The following FOXP2 variants were observed in gnomAD, a reference collection of about 807,000 sequenced individuals.
FOXP2 encodes the protein forkhead box P2.
In FOXP2, 12 loss-of-function variants were observed where a neutral mutation model predicts 115.8. The observed-to-expected ratio is 0.10, with a 90% CI of 0.07 to 0.17. The LOEUF is 0.17. FOXP2 is among the 10% of genes least tolerant of loss of function. The pLI is 1.00. For synonymous variants in FOXP2, 328 were observed against 297.7 expected, an observed-to-expected ratio of 1.10 and a Z score of -1.05; for missense variants, 629 against 843.5, an observed-to-expected ratio of 0.75 and a Z score of 3.15.
At chr7:114,211,469 G>A (rs989375091) in intron 1 of FOXP2, among the ~76,000 whole-genome samples, 1 of 152,152 alleles carries the variant, frequency 6.6e-6, no homozygotes, top group Admixed American at 6.5e-5. Flanking sequence ...GCTCTGTTCC[G>A]CTCCTGGATG....
chr7:114,180,871 A>G (rs1034746154), intron 1 of FOXP2, among the ~76,000 whole-genome samples: 7 of 151,916 alleles, frequency 4.6e-5, no homozygotes, highest in Middle Eastern at 3.2e-3. Context: ...TCAATTCTTT[A>G]TACCCTTTAT....
intron 1 of FOXP2, among the ~76,000 whole-genome samples, chr7:114,218,952 A>G (rs892092529): frequency 7.9e-5 from 12 of 152,130 alleles, no homozygotes; most frequent in African/African-American, 2.7e-4. Flanking sequence ...ATATATATTT[A>G]CTGCCTAATG....
chr7:114,320,669 A>C (rs1248911226), intron 2 of FOXP2, among the ~76,000 whole-genome samples: 2 of 152,188 alleles, frequency 1.3e-5, no homozygotes, highest in Admixed American at 6.5e-5. Flanking sequence ...TAACTGTTCC[A>C]CAAGTCTGTC....
chr7:114,439,289 T>G (rs1313531656), intron 2 of FOXP2, among the ~76,000 whole-genome samples: 1 of 152,152 alleles, frequency 6.6e-6, no homozygotes, highest in East Asian at 1.9e-4. Flanking sequence ...TGTAGTAGTA[T>G]TTCAGTCTTA....
At chr7:114,144,701 G>C (rs1284000400) in intron 1 of FOXP2, among the ~76,000 whole-genome samples, 1 of 152,050 alleles carries the variant, frequency 6.6e-6, no homozygotes, top group African/African-American at 2.4e-5. Context: ...AGCCATGCTG[G>C]TTCAGAAGTG....
intron 3 of FOXP2, among the ~76,000 whole-genome samples, chr7:114,563,741 C>T (rs1439593593): frequency 1.3e-5 from 2 of 152,178 alleles, no homozygotes; most frequent in African/African-American, 4.8e-5. Flanking sequence ...GAAACACCTA[C>T]CTAGATGTTC....
At chr7:114,534,552 C>T (rs1799286400) in intron 2 of FOXP2, 65 bp from the exon 3 acceptor site, 17 of 1,306,202 alleles carry the variant, frequency 1.3e-5, no homozygotes, top group Non-Finnish European at 1.8e-5. Flanking sequence ...TACTATTAAC[C>T]AAGAGATAAT....
At chr7:114,090,726 T>C (rs1799525092) in intron 1 of FOXP2, among the ~76,000 whole-genome samples, 1 of 151,882 alleles carries the variant, frequency 6.6e-6, no homozygotes, top group African/African-American at 2.4e-5. Context: ...TTTTCTTAGG[T>C]TCAACTATGT....
chr7:114,571,891 T>C lies in FOXP2; in HGVS notation c.258+37185T>C, dbSNP rs80233019. On this transcript the variant is annotated intron_variant, in intron 3 of 16. Transcript: ENST00000350908. ...CTATACACAACTTTTGCTTGTTTCCTTAAGAACTGATGTATTTATTTAGGC... is the reference window on the plus strand; with the variant it reads ...CTATACACAACTTTTGCTTGTTTCCCTAAGAACTGATGTATTTATTTAGGC... Among the ~76,000 whole-genome samples, 147 of 151,898 alleles carry C rather than the reference T, an allele frequency of 9.7e-4. 1 individual carries two copies. In the East Asian group the frequency reaches 0.022, roughly 22 times the overall value.
chr7:114,269,781 T>A (rs1795989198), intron 1 of FOXP2, among the ~76,000 whole-genome samples: 1 of 152,172 alleles, frequency 6.6e-6, no homozygotes, highest in African/African-American at 2.4e-5. Flanking sequence ...ATTATGTTCC[T>A]CCACACCCCA....
At chr7:114,143,861 G>A (rs1010721643) in intron 1 of FOXP2, among the ~76,000 whole-genome samples, 2 of 151,802 alleles carry the variant, frequency 1.3e-5, no homozygotes, top group Non-Finnish European at 2.9e-5. Flanking sequence ...CTTAGAGTTG[G>A]TCCCTGACTT....
intron 2 of FOXP2, among the ~76,000 whole-genome samples, chr7:114,491,817 A>T (rs1421263511): frequency 6.6e-6 from 1 of 152,136 alleles, no homozygotes; most frequent in Non-Finnish European, 1.5e-5. Context: ...GTTTGCCAGT[A>T]TTTTATTGAG....
intron 2 of FOXP2, among the ~76,000 whole-genome samples, chr7:114,394,394 TACACAC>T (rs147854196): frequency 6.8e-6 from 1 of 146,668 alleles, no homozygotes; most frequent in Non-Finnish European, 1.5e-5. Context: ...TATGAATCTA[TACACAC>T]ACACACACAC....
rs1288046964 is a variant in FOXP2, at chr7:114,691,311, A to T, written c.*1385A>T. On this transcript the variant is annotated 3_prime_UTR_variant, in exon 17 of 17. Coordinates refer to ENST00000350908, the MANE Select transcript of FOXP2 (RefSeq NM_014491.4). The stretch of plus-strand genomic sequence containing the variant: ...GAACCAAACATAAAAGGTCTAGTAA[A>T]GCCAAAAATTAATTTCATATTGATT... 2.2e-6 allele frequency: 1 copy of T among 452,974 alleles called. No homozygotes were observed. Among genetic ancestry groups the T allele is most frequent in the Admixed American group, 2.4e-5 (1 of 42,364 alleles). The allele number at this position is 452,974 out of a possible 1,614,324, so 28.1% of individuals were successfully genotyped here. A position where few individuals can be genotyped will look rare whatever the true frequency, so the allele number is the denominator to read the frequency against.
chr7:114,447,490 C>A (rs1024710726), intron 2 of FOXP2, among the ~76,000 whole-genome samples: 4 of 152,176 alleles, frequency 2.6e-5, no homozygotes, highest in African/African-American at 9.6e-5. Context: ...CATTCTCTTG[C>A]TGCTGCAGCC....
At chr7:114,525,393 G>C (rs527589364) in intron 2 of FOXP2, among the ~76,000 whole-genome samples, 1 of 152,318 alleles carries the variant, frequency 6.6e-6, no homozygotes, top group South Asian at 2.1e-4. Flanking sequence ...AATTAGAGCA[G>C]TAGAAAAGTA....
intron 2 of FOXP2, among the ~76,000 whole-genome samples, chr7:114,346,793 G>C (rs954895906): frequency 6.6e-6 from 1 of 151,678 alleles, no homozygotes; most frequent in Non-Finnish European, 1.5e-5. Context: ...ATGGAGAGAG[G>C]GGAAGGGAGG....
chr7:114,506,477 T>C (rs1797823638), intron 2 of FOXP2, among the ~76,000 whole-genome samples: 2 of 151,814 alleles, frequency 1.3e-5, no homozygotes, highest in Middle Eastern at 3.4e-3. Context: ...AAAATGTTAA[T>C]ACAGGAAAAT....
At chr7:114,376,153 T>G (rs1378263686) in intron 2 of FOXP2, among the ~76,000 whole-genome samples, 2 of 152,158 alleles carry the variant, frequency 1.3e-5, no homozygotes, top group Non-Finnish European at 1.5e-5. Flanking sequence ...GGTAGGTACT[T>G]TCTTTTAATA....
Sources: allele counts gnomAD v4.1 joint callset (sites outside exome capture counted in the v4.1 genomes callset), GRCh38; gene constraint gnomAD v4.1.1; transcripts MANE v1.5; gene names NCBI Gene and HGNC (gene_info 2026-07-23, HGNC 2026-07-21).